Variants in CYRIA observed in about 807,000 individuals in gnomAD.
CYRIA encodes the protein CYFIP-related Rac1 interactor A.
Under a neutral mutation model 43.9 loss-of-function variants are expected in CYRIA, and 15 were observed. That is an observed-to-expected ratio of 0.34 (90% CI 0.23 to 0.53). The LOEUF (loss-of-function observed/expected upper bound fraction) is 0.53. Ranked by LOEUF, CYRIA falls within the 20% of genes least tolerant of loss-of-function variation. The pLI is 0.94. For synonymous variants in CYRIA, 117 were observed against 136.0 expected, an observed-to-expected ratio of 0.86 and a Z score of 0.97; for missense variants, 236 against 394.2, an observed-to-expected ratio of 0.60 and a Z score of 3.40.
chr2:16,604,071 G>A (rs1382661437), intron 2 of CYRIA, among the ~76,000 whole-genome samples: 2 of 152,204 alleles, frequency 1.3e-5, no homozygotes, highest in Non-Finnish European at 2.9e-5. Flanking sequence ...CTCTCACGTC[G>A]TCAGGCCAGC....
chr2:16,612,334 GA>G (rs753294864), intron 2 of CYRIA, among the ~76,000 whole-genome samples: 4 of 151,678 alleles, frequency 2.6e-5, no homozygotes, highest in Non-Finnish European at 5.9e-5. Context: ...GAGAGGATAG[GA>G]AGAAGGAAGG....
chr2:16,586,092 G>A (rs1406573292), intron 3 of CYRIA, among the ~76,000 whole-genome samples: 2 of 152,054 alleles, frequency 1.3e-5, no homozygotes, highest in Non-Finnish European at 2.9e-5. Flanking sequence ...ATTCTGGGAG[G>A]TACATATGAG....
chr2:16,610,897 C>CATATATATAAATAT (rs1668569492), intron 2 of CYRIA, among the ~76,000 whole-genome samples: 1 of 92,556 alleles, frequency 1.1e-5, no homozygotes, highest in Non-Finnish European at 2.3e-5. Flanking sequence ...TTAGTCCCAA[C>CATATATATAAATAT]ATATATATAT....
chr2:16,601,493 G>A (rs1196550793), intron 2 of CYRIA, among the ~76,000 whole-genome samples: 1 of 152,092 alleles, frequency 6.6e-6, no homozygotes, highest in Admixed American at 6.5e-5. Flanking sequence ...GTCATTTTAG[G>A]AGTGGTAGCA....
At chr2:16,657,193 C>A (rs1424880251) in intron 1 of CYRIA, among the ~76,000 whole-genome samples, 1 of 152,192 alleles carries the variant, frequency 6.6e-6, no homozygotes, top group East Asian at 1.9e-4. Context: ...ACTTTACAAC[C>A]AAAGAACAGA....
chr2:16,555,871 C>A (rs545962179), intron 10 of CYRIA, among the ~76,000 whole-genome samples: 1 of 152,300 alleles, frequency 6.6e-6, no homozygotes, highest in South Asian at 2.1e-4. Flanking sequence ...AGAATGTGAA[C>A]TTCACAGATG....
chr2:16,616,737 A>C (rs1435866135), intron 2 of CYRIA, among the ~76,000 whole-genome samples: 1 of 152,258 alleles, frequency 6.6e-6, no homozygotes, highest in East Asian at 1.9e-4. Flanking sequence ...AGTCAAAATA[A>C]AAATTGCTAA....
At chr2:16,591,211 C>T (rs1313806165) in intron 2 of CYRIA, among the ~76,000 whole-genome samples, 1 of 151,912 alleles carries the variant, frequency 6.6e-6, no homozygotes, top group South Asian at 2.1e-4. Context: ...TTAGAGAATG[C>T]AAATAAATAA....
At chr2:16,565,319 G>T (rs932044708) in intron 4 of CYRIA, among the ~76,000 whole-genome samples, 3 of 151,956 alleles carry the variant, frequency 2.0e-5, no homozygotes, top group Non-Finnish European at 4.4e-5. Flanking sequence ...AAGTAGCAGG[G>T]ATTAAAGGCA....
chr2:16,577,198 A>T (rs1252742023), intron 3 of CYRIA, among the ~76,000 whole-genome samples: 1 of 152,202 alleles, frequency 6.6e-6, no homozygotes, highest in Non-Finnish European at 1.5e-5. Flanking sequence ...GAAAAGAAAC[A>T]TAATCCAATA....
At chr2:16,603,243 G>C (rs1019380765) in intron 2 of CYRIA, among the ~76,000 whole-genome samples, 6 of 152,178 alleles carry the variant, frequency 3.9e-5, no homozygotes, top group Admixed American at 3.9e-4. Context: ...CAGGGCCCTT[G>C]CACATGCTGC....
At chr2:16,644,954 C>T (rs998583483) in intron 1 of CYRIA, among the ~76,000 whole-genome samples, 13 of 152,052 alleles carry the variant, frequency 8.5e-5, no homozygotes, top group African/African-American at 2.9e-4. Flanking sequence ...TTAAGGAAAC[C>T]GATTACCATT....
At position 16,551,433 on chromosome 2, in the gene CYRIA, T is replaced by A. The variant is rs1666304215; in HGVS notation, c.*1503A>T. 1 of 152,134 alleles carries A rather than the reference T, an allele frequency of 6.6e-6. No homozygotes were observed. The highest frequency in any genetic ancestry group is 2.4e-5 in the African/African-American group (1 of 41,436). 9.4% of individuals were successfully genotyped at this position (152,134 alleles called of 1,614,324 possible). A position where few individuals can be genotyped will look rare whatever the true frequency, so the allele number is the denominator to read the frequency against. Reference sequence around the variant, plus strand: ...ATTTACTTAGAAGGGTTGAATCCCATCCCATAGTATGTATTCACAGCCACA... The same window carrying A: ...ATTTACTTAGAAGGGTTGAATCCCAACCCATAGTATGTATTCACAGCCACA... On this transcript the variant is annotated 3_prime_UTR_variant, in exon 12 of 12. Coordinates refer to ENST00000381323, the MANE Select transcript of CYRIA (RefSeq NM_030797.4).
At chr2:16,580,888 C>T (rs571289931) in intron 3 of CYRIA, among the ~76,000 whole-genome samples, 137 of 152,260 alleles carry the variant, frequency 9.0e-4, no homozygotes, top group Non-Finnish European at 1.5e-3. Context: ...TGTGCTACTA[C>T]AATATTATGG....
intron 3 of CYRIA, among the ~76,000 whole-genome samples, chr2:16,584,203 T>C (rs1040932693): frequency 6.6e-6 from 1 of 152,064 alleles, no homozygotes; most frequent in Non-Finnish European, 1.5e-5. Context: ...AATTCATCAG[T>C]CCCTTTTCAA....
intron 3 of CYRIA, among the ~76,000 whole-genome samples, chr2:16,577,204 C>T (rs1471319715): frequency 6.6e-6 from 1 of 151,786 alleles, no homozygotes; most frequent in Non-Finnish European, 1.5e-5. Context: ...AAACATAATC[C>T]AATATATTTT....
intron 5 of CYRIA, 142 bp downstream of exon 5, chr2:16,563,847 T>C (rs1666833898): frequency 1.7e-6 from 1 of 599,096 alleles, no homozygotes; most frequent in Non-Finnish European, 2.9e-6. Context: ...TGACAAGAGT[T>C]GTTGCTCATA....
At chr2:16,631,035 C>T (rs971359019) in intron 1 of CYRIA, among the ~76,000 whole-genome samples, 2 of 152,200 alleles carry the variant, frequency 1.3e-5, no homozygotes, top group African/African-American at 4.8e-5. Context: ...CCCGGGTCTA[C>T]CCCTAACTTG....
chr2:16,607,551 C>A (rs1195557676), intron 2 of CYRIA, among the ~76,000 whole-genome samples: 1 of 152,180 alleles, frequency 6.6e-6, no homozygotes, highest in Non-Finnish European at 1.5e-5. Flanking sequence ...TAAGCCACAC[C>A]AGAATATGAC....
Sources: gnomAD v4.1 joint callset for allele counts (sites outside exome capture counted in the v4.1 genomes callset) on GRCh38, gnomAD v4.1.1 for gene constraint, MANE v1.5 for transcripts, NCBI Gene and HGNC (gene_info 2026-07-23, HGNC 2026-07-21) for gene names.